Variants in ST8SIA2 observed in about 807,000 individuals in gnomAD.
ST8SIA2 encodes the protein alpha-2,8-sialyltransferase 8B.
Under a neutral mutation model 37.6 loss-of-function variants are expected in ST8SIA2, and 22 were observed. The observed-to-expected ratio is 0.58, with a 90% CI of 0.42 to 0.83. The LOEUF is 0.83. Ranked by LOEUF, ST8SIA2 falls within the 40% of genes least tolerant of loss-of-function variation. The pLI is 0.00. For missense variants in ST8SIA2, 382 were observed against 484.7 expected (o/e 0.79, Z 1.99); for synonymous variants, 205 against 201.2 (o/e 1.02, Z -0.16).
rs143387226 is a variant in ST8SIA2 at position 92,426,792 on chromosome 15, A to G, written c.99-3257A>G. ...TAGATCTTATATGTTCTTAACACAA[A>G]AAATGGTAAGTGTGGGCTGGGCGTG... On this transcript the variant is annotated intron_variant, in intron 1 of 5. Transcript: ENST00000268164. Among the ~76,000 whole-genome samples the G allele has an allele frequency of 1.9e-3, 282 of 152,332 alleles. 1 individual carries two copies. Among genetic ancestry groups the G allele is most frequent in the Non-Finnish European group, 2.1e-3 (143 of 68,026 alleles).
intron 1 of ST8SIA2, among the ~76,000 whole-genome samples, chr15:92,412,289 A>G (rs1343094971): frequency 6.6e-6 from 1 of 150,470 alleles, no homozygotes; most frequent in African/African-American, 2.4e-5. Flanking sequence ...GGAAGGGGGG[A>G]GAGGTTCAAT....
Position 92,408,947 on chromosome 15 carries a change from G to A in ST8SIA2, c.98+14785G>A, listed in dbSNP as rs1017425509. 9.2e-5 allele frequency among the ~76,000 whole-genome samples: 14 copies of A among 152,064 alleles called. 1 individual carries two copies. Among genetic ancestry groups the A allele is most frequent in the East Asian group, 3.9e-4 (2 of 5,174 alleles). On this transcript the variant is annotated intron_variant, in intron 1 of 5. Coordinates refer to ENST00000268164, the MANE Select transcript of ST8SIA2 (RefSeq NM_006011.4). ...TCTTGAGTTCCTGACCTCATGATCC[G>A]CCCGCCTTGGCCTCCCAAAATGCTG...
intron 5 of ST8SIA2, among the ~76,000 whole-genome samples, chr15:92,452,571 T>C (rs1006466025): frequency 1.3e-5 from 2 of 152,176 alleles, no homozygotes; most frequent in Non-Finnish European, 2.9e-5. Flanking sequence ...TCAAATAGGT[T>C]ACCAATCCCA....
intron 1 of ST8SIA2, among the ~76,000 whole-genome samples, chr15:92,426,536 G>A (rs1026296847): frequency 2.0e-5 from 3 of 152,184 alleles, no homozygotes; most frequent in African/African-American, 7.2e-5. Context: ...CGAGATTTGA[G>A]TTCTCCAGGA....
At chr15:92,419,273 GA>G (rs2049613121) in intron 1 of ST8SIA2, among the ~76,000 whole-genome samples, 1 of 152,220 alleles carries the variant, frequency 6.6e-6, no homozygotes, top group Non-Finnish European at 1.5e-5. Context: ...GCAGGGGGTG[GA>G]GTGAGGAAAC....
intron 4 of ST8SIA2, 78 bp from the exon 5 acceptor site, chr15:92,444,558 C>G (rs1596245590): frequency 9.5e-6 from 15 of 1,584,176 alleles, no homozygotes; most frequent in Non-Finnish European, 1.2e-5. Flanking sequence ...CAAGGAGAGG[C>G]AAAGGATGGG....
intron 1 of ST8SIA2, among the ~76,000 whole-genome samples, chr15:92,396,900 G>C (rs896556869): frequency 6.6e-6 from 1 of 152,168 alleles, no homozygotes; most frequent in Non-Finnish European, 1.5e-5. Context: ...GCGTCAAGAG[G>C]GCTCCGCCTT....
chr15:92,420,956 G>C (rs1291073636), intron 1 of ST8SIA2: 3 of 152,318 alleles, frequency 2.0e-5, no homozygotes, highest in Non-Finnish European at 4.4e-5. Flanking sequence ...CCGTCTTGGT[G>C]AGCAAGAAGC....
At chr15:92,407,268 A>G (rs149525704) in intron 1 of ST8SIA2, among the ~76,000 whole-genome samples, 34 of 152,308 alleles carry the variant, frequency 2.2e-4, no homozygotes, top group African/African-American at 8.2e-4. Flanking sequence ...GCCTTTAGCC[A>G]TTAGCATATT....
At chr15:92,432,901 G>A (rs140729433) in intron 2 of ST8SIA2, among the ~76,000 whole-genome samples, 2 of 152,132 alleles carry the variant, frequency 1.3e-5, no homozygotes, top group Non-Finnish European at 2.9e-5. Flanking sequence ...GGAGACCGAG[G>A]CAGGCAAATC....
At chr15:92,462,497 C>T (rs1244587446) in intron 5 of ST8SIA2, among the ~76,000 whole-genome samples, 1 of 152,192 alleles carries the variant, frequency 6.6e-6, no homozygotes, top group Non-Finnish European at 1.5e-5. Context: ...GTCCCTCCCA[C>T]CCCAACCTTT....
At chr15:92,427,770 A>G (rs1283607326) in intron 1 of ST8SIA2, among the ~76,000 whole-genome samples, 1 of 152,148 alleles carries the variant, frequency 6.6e-6, no homozygotes, top group African/African-American at 2.4e-5. Context: ...GATCACCTGA[A>G]GCCGAGAGTT....
Position 92,468,063 on chromosome 15 carries a change from C to T in ST8SIA2, c.*3678C>T, listed in dbSNP as rs959814761. On this transcript the variant is annotated 3_prime_UTR_variant, in exon 6 of 6. Coordinates refer to ENST00000268164, the MANE Select transcript of ST8SIA2 (RefSeq NM_006011.4). ...TGACGTTATCTTCGACTATTCTTCC[C>T]TGTCCTGCCTTGCTAATTCTTCCCA... is the stretch of plus-strand genomic sequence containing the variant. The T allele has an allele frequency of 6.6e-6, 1 of 152,252 alleles. No homozygotes were observed. Among genetic ancestry groups the T allele is most frequent in the Non-Finnish European group, 1.5e-5 (1 of 68,048 alleles). 9.4% of individuals were successfully genotyped at this position (152,252 alleles called of 1,614,324 possible).
At position 92,466,867 on chromosome 15, in the gene ST8SIA2, A is replaced by G. The variant is rs1036196120; in HGVS notation, c.*2482A>G. 1 of 152,164 alleles carries G rather than the reference A, an allele frequency of 6.6e-6. No individual in the cohort carries two copies. Among genetic ancestry groups the G allele is most frequent in the African/African-American group, 2.4e-5 (1 of 41,346 alleles). 9.4% of individuals were successfully genotyped at this position (152,164 alleles called of 1,614,324 possible). ...CTGGGCCAATTGTCCTTCCCTGCCCATTCAGAGTTCAATTTGAGCCTCCAC... is the reference window on the plus strand; with the variant it reads ...CTGGGCCAATTGTCCTTCCCTGCCCGTTCAGAGTTCAATTTGAGCCTCCAC... On this transcript the variant is annotated 3_prime_UTR_variant, in exon 6 of 6. Transcript: ENST00000268164.
chr15:92,466,769 C>T lies in ST8SIA2; in HGVS notation c.*2384C>T, dbSNP rs1351021879. ...CCTCCTCGGCTTGAGTCCTGCACTA[C>T]CAAAATGGCCTGGCCATTTGATGGC... On this transcript the variant is annotated 3_prime_UTR_variant, in exon 6 of 6. Transcript: ENST00000268164. 1.3e-5 allele frequency: 2 copies of T among 152,486 alleles called. No homozygotes were observed. The highest frequency in any genetic ancestry group is 1.9e-4 in the East Asian group (1 of 5,180). The allele number at this position is 152,486 out of a possible 1,614,324, so 9.4% of individuals were successfully genotyped here.
At chr15:92,460,643 A>G (rs1432832053) in intron 5 of ST8SIA2, among the ~76,000 whole-genome samples, 1 of 152,226 alleles carries the variant, frequency 6.6e-6, no homozygotes, top group Non-Finnish European at 1.5e-5. Flanking sequence ...GCTCAGCATC[A>G]AACATCCCCG....
chr15:92,395,764 G>A (rs2049426228), intron 1 of ST8SIA2, among the ~76,000 whole-genome samples: 1 of 152,176 alleles, frequency 6.6e-6, no homozygotes, highest in Non-Finnish European at 1.5e-5. Context: ...GATTCCGGAT[G>A]TGGGCACTGC....
intron 5 of ST8SIA2, among the ~76,000 whole-genome samples, chr15:92,446,411 T>C (rs1192725504): frequency 6.6e-6 from 1 of 152,200 alleles, no homozygotes; most frequent in Non-Finnish European, 1.5e-5. Context: ...TATCATCTAC[T>C]AGTCACCTAG....
chr15:92,409,486 G>T (rs1289915030), intron 1 of ST8SIA2, among the ~76,000 whole-genome samples: 7 of 151,916 alleles, frequency 4.6e-5, no homozygotes, highest in Non-Finnish European at 8.8e-5. Context: ...GGAGAGGGTT[G>T]TTCTGTCTGG....
Sources: allele counts gnomAD v4.1 joint callset (sites outside exome capture counted in the v4.1 genomes callset), GRCh38; gene constraint gnomAD v4.1.1; transcripts MANE v1.5; gene names NCBI Gene and HGNC (gene_info 2026-07-23, HGNC 2026-07-21).